YLPM1: variants seen among roughly 807,000 people sequenced by gnomAD.
YLPM1 encodes the protein YLP motif containing 1.
A neutral mutation model predicts 230.0 loss-of-function variants in YLPM1; 99 were observed. The observed-to-expected ratio is 0.43, with a 90% CI of 0.37 to 0.51. The LOEUF is 0.51. Ranked by LOEUF, YLPM1 falls within the 20% of genes least tolerant of loss-of-function variation. YLPM1 has a pLI of 0.00. For missense variants in YLPM1, 2,592 were observed against 2,707.7 expected (o/e 0.96, Z 0.95); for synonymous variants, 984 against 942.5 (o/e 1.04, Z -0.81).
chr14:74,773,715 T>C (rs866766680), intron 1 of YLPM1, among the ~76,000 whole-genome samples: 36 of 129,732 alleles, frequency 2.8e-4, no homozygotes, highest in East Asian at 6.4e-4. Flanking sequence ...TTCTTTCTTT[T>C]TTTTTTTTTT....
In YLPM1 at chr14:74,827,897, T is replaced by C. The variant is rs1253596073; in HGVS notation, c.6164-1316T>C. 34 of 985,254 alleles carry C rather than the reference T, an allele frequency of 3.5e-5. 1 individual carries two copies. The Admixed American group carries it at 2.0e-3, about 59-fold the overall frequency. The allele number at this position is 985,254 out of a possible 1,614,324, so 61.0% of individuals were successfully genotyped here. ...AGATAGAGCCATGTGATTCCAGAAA[T>C]TAGAAGACTGGATCTGTGGAATCCA... On this transcript the variant is annotated intron_variant, in intron 18 of 20. Coordinates refer to ENST00000325680, the MANE Select transcript of YLPM1 (RefSeq NM_019589.3).
rs752529595 is a variant in YLPM1 at position 74,781,611 on chromosome 14, AT to A, written c.1570del (p.Ser524LeufsTer23). The A allele has an allele frequency of 6.2e-7, 1 of 1,613,918 alleles. No homozygotes were observed. Among genetic ancestry groups the A allele is most frequent in the Admixed American group, 1.7e-5 (1 of 60,014 alleles). ...TCAATGCCACCTCCTTTTGTTCCAT[AT>A]TCTCAGATGCCTCCACCTCTACCTA... ...NMSMPPPFVP[Y>X]SQMPPPLPTM... On this transcript the variant is annotated frameshift_variant, in exon 4 of 21. Coordinates refer to ENST00000325680, the MANE Select transcript of YLPM1 (RefSeq NM_019589.3). LOFTEE classifies it high-confidence loss of function.
Position 74,798,451 on chromosome 14 carries a change from G to A in YLPM1, c.3154G>A (p.Val1052Ile), listed in dbSNP as rs1327671890. 4.3e-6 allele frequency: 7 copies of A among 1,613,858 alleles called. No homozygotes were observed. Among genetic ancestry groups the A allele is most frequent in the Middle Eastern group, 3.3e-4 (2 of 6,084 alleles). ...GQAISRGPGL[V>I]KQEDFRDKMM... is the part of the protein sequence containing the mutation. ...GGCAATCAGTCGAGGCCCAGGATTG[G>A]TCAAGCAAGAAGACTTTCGGGATAA... The change falls in exon 5 of 21, where the codon GTC becomes ATC. Residue 1052 changes from valine to isoleucine, a missense_variant. Val to Ile is a conservative substitution (Grantham distance 29). Coordinates refer to ENST00000325680, the MANE Select transcript of YLPM1 (RefSeq NM_019589.3).
chr14:74,776,343 A>G (rs1300474846), intron 1 of YLPM1, among the ~76,000 whole-genome samples: 2 of 152,162 alleles, frequency 1.3e-5, no homozygotes, highest in Non-Finnish European at 2.9e-5. Context: ...AGCCTTGTTT[A>G]TGTGTGTTTC....
At chr14:74,772,141 A>G (rs2090982660) in intron 1 of YLPM1, among the ~76,000 whole-genome samples, 1 of 152,046 alleles carries the variant, frequency 6.6e-6, no homozygotes, top group Non-Finnish European at 1.5e-5. Flanking sequence ...CACTTGGAAA[A>G]TCATTTAGTA....
chr14:74,809,434 G>C lies in YLPM1; in HGVS notation c.4576G>C (p.Val1526Leu), dbSNP rs764119725. The C allele has an allele frequency of 1.4e-5, 22 of 1,606,852 alleles. No homozygotes were observed. The East Asian group carries it at 3.8e-4, about 28-fold the overall frequency. ...PPMGKPPGSI[V>L]RPSAPPARSS... ...TATGGGCAAACCACCAGGTTCAATT[G>C]TAAGACCCTCTGCTCCACCAGCAAG... The change falls in exon 7 of 21, where the codon GTA becomes CTA. Residue 1526 changes from valine (V) to leucine (L), a missense_variant. By Grantham distance (32) the Val-to-Leu change is conservative. This residue lies in a region of YLPM1 where 403 missense variants were observed against 426.7 expected (regional missense o/e 0.94). Transcript: ENST00000325680.
intron 12 of YLPM1, 90 bp downstream of exon 12, chr14:74,816,355 C>A: frequency 7.2e-7 from 1 of 1,389,490 alleles, no homozygotes; most frequent in South Asian, 1.3e-5. Context: ...AACATAATGC[C>A]AATAGAATTG....
Position 74,780,396 on chromosome 14 carries a change from T to C in YLPM1, c.1111-9T>C. 6.2e-7 allele frequency: 1 copy of C among 1,604,598 alleles called. No individual in the cohort carries two copies. Among genetic ancestry groups the C allele is most frequent in the African/African-American group, 1.3e-5 (1 of 74,610 alleles). ...ACTTACATAAAGATGTGTCCTCTTT[T>C]ATCTTTAGTCTGAGGACCCAGAAGA... On this transcript the variant is annotated splice_polypyrimidine_tract_variant and intron_variant, in intron 2 of 20. Transcript: ENST00000325680.
intron 1 of YLPM1, 60 bp from the exon 2 acceptor site, chr14:74,778,387 A>T: frequency 6.9e-7 from 1 of 1,459,672 alleles, no homozygotes. Flanking sequence ...CCTTGTCAAC[A>T]CCAAGTTGCA....
chr14:74,799,282 C>G lies in YLPM1; in HGVS notation c.3985C>G (p.Pro1329Ala), dbSNP rs539866408. The change falls in exon 5 of 21, where the codon CCA becomes GCA. Residue 1329 changes from proline (P) to alanine (A), a missense_variant. Physicochemically the swap from Pro to Ala is conservative, Grantham distance 27. Coordinates refer to ENST00000325680, the MANE Select transcript of YLPM1 (RefSeq NM_019589.3). ...QESQFRERDI[P>A]SLPPLPPLPP... ...ATCACAGTTTCGTGAACGGGATATT[C>G]CATCTCTTCCACCTTTACCGCCCCT... 1.2e-6 allele frequency: 2 copies of G among 1,613,998 alleles called. No individual in the cohort carries two copies. Among genetic ancestry groups the G allele is most frequent in the Non-Finnish European group, 1.7e-6 (2 of 1,179,888 alleles).
chr14:74,821,101 A>G lies in YLPM1; in HGVS notation c.6075A>G (p.Glu2025=), dbSNP rs2091516855. ...DFDANIEEQK[E]EKKDAEEEES... ...ATGCAAATATCGAAGAACAGAAAGAAGAAAAGAAAGATGCAGAGGAAGAGG... is the reference window on the plus strand; with the variant it reads ...ATGCAAATATCGAAGAACAGAAAGAGGAAAAGAAAGATGCAGAGGAAGAGG... The change falls in exon 17 of 21, where the codon GAA becomes GAG. Residue 2025 remains glutamate (E), a synonymous_variant. Transcript: ENST00000325680. The G allele has an allele frequency of 3.2e-6, 5 of 1,549,386 alleles. No individual in the cohort carries two copies. The East Asian group carries it at 9.7e-5, about 30-fold the overall frequency.
chr14:74,802,270 A>G (rs937181229), intron 5 of YLPM1, among the ~76,000 whole-genome samples: 1 of 151,904 alleles, frequency 6.6e-6, no homozygotes, highest in Non-Finnish European at 1.5e-5. Context: ...TTAAAGAAAA[A>G]CATAACAAGT....
chr14:74,818,607 A>G (rs2091497485), intron 16 of YLPM1, among the ~76,000 whole-genome samples: 1 of 152,210 alleles, frequency 6.6e-6, no homozygotes, highest in African/African-American at 2.4e-5. Context: ...GTATCTTGTA[A>G]GAACAAGTAC....
intron 18 of YLPM1, 98 bp from the exon 19 acceptor site, chr14:74,829,115 G>A: frequency 7.0e-7 from 1 of 1,437,322 alleles, no homozygotes; most frequent in South Asian, 1.3e-5. Flanking sequence ...ATGTGGATAT[G>A]CCCTCTGAAA....
chr14:74,766,919 T>C (rs1207669647), intron 1 of YLPM1, among the ~76,000 whole-genome samples: 1 of 144,970 alleles, frequency 6.9e-6, no homozygotes, highest in Non-Finnish European at 1.5e-5. Context: ...AGTCTCACAC[T>C]GTTGCCCAGG....
intron 4 of YLPM1, among the ~76,000 whole-genome samples, chr14:74,787,435 C>T (rs558462498): frequency 9.2e-5 from 14 of 152,024 alleles, no homozygotes; most frequent in Non-Finnish European, 1.8e-4. Flanking sequence ...TGGTGGTGCA[C>T]GCTTGTAATT....
intron 1 of YLPM1, among the ~76,000 whole-genome samples, chr14:74,766,636 ATTT>A (rs34932979): frequency 2.7e-5 from 3 of 110,344 alleles, no homozygotes; most frequent in Admixed American, 1.0e-4. Flanking sequence ...ATGCCTGGCT[ATTT>A]TTTTTTTTTT....
chr14:74,778,247 A>G (rs3813555), intron 1 of YLPM1, among the ~76,000 whole-genome samples, 200 bp from the exon 2 acceptor site: 22,467 of 152,192 alleles, frequency 0.15, 1,796 homozygotes, highest in South Asian at 0.3. Context: ...ATTTAAATGT[A>G]TAAATTTGGG....
rs531823594 is a variant in YLPM1, at chr14:74,800,367, A to G, written c.4400+670A>G. ...ATTTTCCTCTTTTCTTGTGGTAACA[A>G]CAATAACAAAAGCTAACATTTATTG... On this transcript the variant is annotated intron_variant, in intron 5 of 20. Coordinates refer to ENST00000325680, the MANE Select transcript of YLPM1 (RefSeq NM_019589.3). 4.6e-5 allele frequency among the ~76,000 whole-genome samples: 7 copies of G among 152,384 alleles called. No homozygotes were observed. In the South Asian group the frequency reaches 1.4e-3, roughly 32 times the overall value.
Sources: allele counts gnomAD v4.1 joint callset (sites outside exome capture counted in the v4.1 genomes callset), GRCh38; gene constraint gnomAD v4.1.1; regional missense constraint gnomAD v4.1.1; transcripts MANE v1.5; gene names NCBI Gene and HGNC (gene_info 2026-07-23, HGNC 2026-07-21).